EXOC6: variants seen among roughly 807,000 people sequenced by gnomAD.
The protein encoded by EXOC6 is SEC15-like 1.
In EXOC6, 60 loss-of-function variants were observed where a neutral mutation model predicts 112.5. That is an observed-to-expected ratio of 0.53 (90% confidence interval 0.43 to 0.66). EXOC6 has a LOEUF of 0.66. Ranked by LOEUF, EXOC6 falls within the 30% of genes least tolerant of loss-of-function variation. The pLI is 0.00. For synonymous variants in EXOC6, 295 were observed against 308.0 expected (o/e 0.96, Z 0.44); for missense variants, 855 against 957.1 (o/e 0.89, Z 1.41).
At chr10:92,898,079 G>A (rs1189047111) in intron 4 of EXOC6, among the ~76,000 whole-genome samples, 1 of 152,062 alleles carries the variant, frequency 6.6e-6, no homozygotes, top group Non-Finnish European at 1.5e-5. Flanking sequence ...CAGTTGCAGT[G>A]CAGTTGCCTA....
At chr10:93,027,680 C>T (rs1042664846) in intron 20 of EXOC6, among the ~76,000 whole-genome samples, 4 of 152,204 alleles carry the variant, frequency 2.6e-5, no homozygotes, top group Non-Finnish European at 4.4e-5. Flanking sequence ...CTATTTATAG[C>T]ATGGTTTGTT....
intron 5 of EXOC6, among the ~76,000 whole-genome samples, chr10:92,906,296 A>C (rs549912110): frequency 6.6e-6 from 1 of 152,142 alleles, no homozygotes; most frequent in East Asian, 1.9e-4. Context: ...TTTAATAAAA[A>C]TTTCGTACTT....
chr10:92,983,648 A>T (rs1337193742), intron 18 of EXOC6, among the ~76,000 whole-genome samples: 2 of 151,846 alleles, frequency 1.3e-5, no homozygotes, highest in Non-Finnish European at 2.9e-5. Context: ...GGATAATTAC[A>T]GGCGTGCGCC....
At chr10:92,954,375 A>G (rs1589903539) in intron 15 of EXOC6, among the ~76,000 whole-genome samples, 1 of 152,206 alleles carries the variant, frequency 6.6e-6, no homozygotes, top group African/African-American at 2.4e-5. Context: ...CAAGTCCTCT[A>G]TGATTTTTCT....
upstream of EXOC6, among the ~76,000 whole-genome samples, chr10:92,845,938 C>G (rs959436914): frequency 6.6e-6 from 1 of 152,134 alleles, no homozygotes; most frequent in Non-Finnish European, 1.5e-5. Flanking sequence ...AACTCTGTCT[C>G]GAAAAAACCA....
intron 20 of EXOC6, among the ~76,000 whole-genome samples, chr10:93,039,844 G>C (rs1845680011): frequency 6.6e-6 from 1 of 152,122 alleles, no homozygotes; most frequent in African/African-American, 2.4e-5. Context: ...TGCTTCAACT[G>C]TGTGGCAGAA....
At chr10:92,926,133 A>G (rs1851706085) in intron 8 of EXOC6, among the ~76,000 whole-genome samples, 1 of 151,896 alleles carries the variant, frequency 6.6e-6, no homozygotes, top group South Asian at 2.1e-4. Context: ...GGGAAAAAAA[A>G]GTCTCACTCA....
intron 20 of EXOC6, among the ~76,000 whole-genome samples, chr10:93,033,913 T>G (rs1431721705): frequency 6.6e-6 from 1 of 152,178 alleles, no homozygotes; most frequent in African/African-American, 2.4e-5. Flanking sequence ...GATAAAAAGT[T>G]AGGAGTGTAA....
intron 20 of EXOC6, among the ~76,000 whole-genome samples, chr10:93,030,413 A>G (rs899531229): frequency 5.3e-5 from 8 of 152,264 alleles, no homozygotes; most frequent in Non-Finnish European, 1.0e-4. Flanking sequence ...TAAAAAAAGC[A>G]TTCAGATAAT....
intron 21 of EXOC6, 39 bp downstream of exon 21, chr10:93,057,075 C>A: frequency 1.8e-6 from 2 of 1,097,226 alleles, no homozygotes; most frequent in Non-Finnish European, 2.6e-6. Flanking sequence ...AACATTTTAG[C>A]ACCTTTTGAT....
At chr10:93,003,103 G>T (rs996730433) in intron 19 of EXOC6, among the ~76,000 whole-genome samples, 4 of 152,178 alleles carry the variant, frequency 2.6e-5, no homozygotes, top group African/African-American at 9.6e-5. Flanking sequence ...TCATTTACAA[G>T]ATTGAAATAT....
intron 1 of EXOC6, among the ~76,000 whole-genome samples, chr10:92,843,179 A>C (rs1487936674): frequency 6.6e-6 from 1 of 152,214 alleles, no homozygotes; most frequent in African/African-American, 2.4e-5. Flanking sequence ...CCAGATCTTT[A>C]TGGAACAGCC....
rs1238485863 is a variant in EXOC6 at position 92,870,943 on chromosome 10, C to T, written c.101+22309C>T. 3.3e-5 allele frequency among the ~76,000 whole-genome samples: 5 copies of T among 152,220 alleles called. No homozygotes were observed. The East Asian group carries it at 7.7e-4, about 24-fold the overall frequency. On this transcript the variant is annotated intron_variant, in intron 1 of 21. Transcript: ENST00000260762. Reference sequence around the variant, plus strand: ...CAGAATGGTCTCGATCTGCTGACCTCGTGATCCAACCACCTTGGCCTCCCA... The same window carrying T: ...CAGAATGGTCTCGATCTGCTGACCTTGTGATCCAACCACCTTGGCCTCCCA...
rs377601381 is a variant in EXOC6 at position 92,969,088 on chromosome 10, T to TA, written c.1774-4960dup. ...GACAGCTTTGACCAAGAGAGTACAGTAAAAATCATTTGAGACTTTAGACTT... is the reference window on the plus strand; with the variant it reads ...GACAGCTTTGACCAAGAGAGTACAGTAAAAAATCATTTGAGACTTTAGACTT... On this transcript the variant is annotated intron_variant, in intron 17 of 21. Coordinates refer to ENST00000260762, the MANE Select transcript of EXOC6 (RefSeq NM_019053.6). Among the ~76,000 whole-genome samples the TA allele has an allele frequency of 2.1e-3, 327 of 152,230 alleles. 2 individuals are homozygous for TA. Among genetic ancestry groups the TA allele is most frequent in the African/African-American group, 7.6e-3 (316 of 41,542 alleles).
At chr10:92,872,496 T>A (rs1406921930) in intron 1 of EXOC6, among the ~76,000 whole-genome samples, 1 of 152,106 alleles carries the variant, frequency 6.6e-6, no homozygotes, top group East Asian at 1.9e-4. Flanking sequence ...TACACATACA[T>A]GCCTTATTAA....
chr10:92,976,166 G>A (rs1842593600), intron 18 of EXOC6, among the ~76,000 whole-genome samples: 1 of 152,124 alleles, frequency 6.6e-6, no homozygotes, highest in African/African-American at 2.4e-5. Context: ...ACCCCGTCTG[G>A]GAGGTGTGCC....
Position 92,861,909 on chromosome 10 carries a change from A to G in EXOC6, c.101+13275A>G, listed in dbSNP as rs116351613. On this transcript the variant is annotated intron_variant, in intron 1 of 21. Coordinates refer to ENST00000260762, the MANE Select transcript of EXOC6 (RefSeq NM_019053.6). ...GGAATTAGGGTTGTTTCACTAGGGA[A>G]CAGGTTTGTGGATTTCCTCACACTT... Among the ~76,000 whole-genome samples the G allele has an allele frequency of 5.6e-3, 857 of 152,310 alleles. 6 individuals carry two copies. The highest frequency in any genetic ancestry group is 0.017 in the African/African-American group (708 of 41,570).
intron 8 of EXOC6, among the ~76,000 whole-genome samples, chr10:92,927,933 G>A (rs1444303215): frequency 6.6e-6 from 1 of 152,152 alleles, no homozygotes; most frequent in Admixed American, 6.5e-5. Context: ...TGAAAGAGTA[G>A]CAAGAGATGA....
At chr10:92,926,051 TTA>T (rs1851697839) in intron 8 of EXOC6, among the ~76,000 whole-genome samples, 1 of 132,296 alleles carries the variant, frequency 7.6e-6, no homozygotes, top group Non-Finnish European at 1.6e-5. Flanking sequence ...GGTGGACTTT[TTA>T]AAAAAAAAAA....
Sources: gnomAD v4.1 joint callset for allele counts (sites outside exome capture counted in the v4.1 genomes callset) on GRCh38, gnomAD v4.1.1 for gene constraint, MANE v1.5 for transcripts, NCBI Gene and HGNC (gene_info 2026-07-23, HGNC 2026-07-21) for gene names.